The following KIAA0319 variants were observed in gnomAD, a reference collection of about 807,000 sequenced individuals.
KIAA0319 encodes the protein dyslexia-associated protein KIAA0319.
A neutral mutation model predicts 108.4 loss-of-function variants in KIAA0319; 83 were observed. The observed-to-expected ratio is 0.77, with a 90% CI of 0.64 to 0.92. The LOEUF is 0.92. KIAA0319 is among the 40% of genes least tolerant of loss of function. KIAA0319 has a pLI of 0.00. For synonymous variants in KIAA0319, 484 were observed against 510.4 expected (o/e 0.95, Z 0.70); for missense variants, 1,195 against 1,322.4 (o/e 0.90, Z 1.49).
chr6:24,617,942 G>A (rs1421588273), intron 1 of KIAA0319, among the ~76,000 whole-genome samples: 1 of 152,086 alleles, frequency 6.6e-6, no homozygotes, highest in African/African-American at 2.4e-5. Context: ...AGCCGAGATT[G>A]CGCCATTGCA....
chr6:24,598,078 C>A, intron 2 of KIAA0319: 1 of 408,820 alleles, frequency 2.4e-6, no homozygotes, highest in South Asian at 2.3e-5. Flanking sequence ...CTTCAGCAGC[C>A]ACTCCTACAC....
chr6:24,560,277 CA>C (rs1467369907), intron 16 of KIAA0319, among the ~76,000 whole-genome samples: 1 of 152,144 alleles, frequency 6.6e-6, no homozygotes, highest in East Asian at 1.9e-4. Flanking sequence ...GAGGAACTGC[CA>C]AACTGTATTC....
At chr6:24,559,288 G>T (rs1443132920) in intron 16 of KIAA0319, 133 bp from the exon 17 acceptor site, 2 of 890,496 alleles carry the variant, frequency 2.2e-6, no homozygotes, top group African/African-American at 1.7e-5. Flanking sequence ...AAGGACAGGG[G>T]CGTATCTGTG....
rs781623420 is a variant in KIAA0319, at chr6:24,630,681, G to GTATATATA, written c.-106+15054_-106+15055insTATATATA. On this transcript the variant is annotated intron_variant, in intron 1 of 20. Coordinates refer to ENST00000378214, the MANE Select transcript of KIAA0319 (RefSeq NM_014809.4). ...TCCATTTATTCAATTGTGTGTATATGTGTATATATATATATATATATACAC... is the reference window on the plus strand; with the variant it reads ...TCCATTTATTCAATTGTGTGTATATGTATATATATGTATATATATATATATATATACAC... Among the ~76,000 whole-genome samples, 6 of 51,992 alleles carry GTATATATA rather than the reference G, an allele frequency of 1.2e-4. No individual in the cohort carries two copies. In the South Asian group the frequency reaches 1.2e-3, roughly 10 times the overall value. The allele number at this position is 51,992 out of a possible 152,430, so 34.1% of individuals were successfully genotyped here. A position where few individuals can be genotyped will look rare whatever the true frequency, so the allele number is the denominator to read the frequency against.
chr6:24,642,231 GAGAA>G (rs1367249314), intron 1 of KIAA0319, among the ~76,000 whole-genome samples: 46 of 136,936 alleles, frequency 3.4e-4, no homozygotes, highest in Non-Finnish European at 6.1e-4. Flanking sequence ...AGGAAAGAAA[GAGAA>G]AGAAAAAAAG....
At chr6:24,607,225 A>G (rs1771544036) in intron 1 of KIAA0319, among the ~76,000 whole-genome samples, 1 of 152,158 alleles carries the variant, frequency 6.6e-6, no homozygotes, top group Non-Finnish European at 1.5e-5. Flanking sequence ...GCATGGTGGC[A>G]CATGCCTGTA....
intron 6 of KIAA0319, among the ~76,000 whole-genome samples, chr6:24,581,960 A>G (rs764710031): frequency 3.3e-5 from 5 of 152,204 alleles, no homozygotes; most frequent in Non-Finnish European, 5.9e-5. Context: ...CCTGGCCAAC[A>G]TGGCGAAACC....
chr6:24,624,026 T>TTC (rs1774356474), intron 1 of KIAA0319, among the ~76,000 whole-genome samples: 4 of 139,614 alleles, frequency 2.9e-5, no homozygotes, highest in African/African-American at 1.1e-4. Flanking sequence ...TCTTTTTTTT[T>TTC]TTTTTTTTTT....
At chr6:24,542,971 T>C (rs1050250411), downstream of KIAA0319, among the ~76,000 whole-genome samples, 2 of 152,256 alleles carry the variant, frequency 1.3e-5, no homozygotes, top group Admixed American at 1.3e-4. Context: ...CATTTACATA[T>C]GGACCTGATT....
chr6:24,553,501 C>T (rs1038405421), intron 19 of KIAA0319, among the ~76,000 whole-genome samples: 1 of 151,798 alleles, frequency 6.6e-6, no homozygotes, highest in Non-Finnish European at 1.5e-5. Context: ...GCTTTTTATT[C>T]TCCCCAAAGC....
Position 24,569,971 on chromosome 6 carries a change from A to G in KIAA0319, c.1923T>C (p.Ser641=), listed in dbSNP as rs754106415. 6.2e-7 allele frequency: 1 copy of G among 1,614,140 alleles called. No homozygotes were observed. The highest frequency in any genetic ancestry group is 8.5e-7 in the Non-Finnish European group (1 of 1,179,964). Reference sequence around the variant, plus strand: ...TGCTGCTGCTCCCATCCAGGGTAGCACTTTCCACTGGGAAGATCAGCTCTT... The same window carrying G: ...TGCTGCTGCTCCCATCCAGGGTAGCGCTTTCCACTGGGAAGATCAGCTCTT... ...PDKELIFPVE[S]ATLDGSSSSD... is the part of the protein sequence containing the mutation. The change falls in exon 12 of 21, where the codon AGT becomes AGC. Residue 641 remains serine, a synonymous_variant. Coordinates refer to ENST00000378214, the MANE Select transcript of KIAA0319 (RefSeq NM_014809.4).
chr6:24,628,528 C>CTTT (rs533135689), intron 1 of KIAA0319, among the ~76,000 whole-genome samples: 11 of 149,950 alleles, frequency 7.3e-5, no homozygotes, highest in East Asian at 5.8e-4. Context: ...TTCTTTCTTT[C>CTTT]TTTTTTTTTT....
intron 19 of KIAA0319, among the ~76,000 whole-genome samples, chr6:24,551,750 C>T (rs77922617): frequency 2.0e-3 from 299 of 152,274 alleles, no homozygotes; most frequent in African/African-American, 7.1e-3. Flanking sequence ...CACTCTTGCC[C>T]ACCTATCTAC....
chr6:24,597,812 G>A (rs1440639560), intron 2 of KIAA0319, among the ~76,000 whole-genome samples: 1 of 149,150 alleles, frequency 6.7e-6, no homozygotes, highest in Non-Finnish European at 1.5e-5. Flanking sequence ...CAGCACTTTG[G>A]GAGGCCAACA....
chr6:24,575,876 G>T (rs949627332), intron 10 of KIAA0319, among the ~76,000 whole-genome samples: 12 of 151,728 alleles, frequency 7.9e-5, no homozygotes, highest in African/African-American at 2.9e-4. Context: ...CACAACAGAA[G>T]TTTCAAGATT....
At chr6:24,559,721 T>A (rs1446385184) in intron 16 of KIAA0319, among the ~76,000 whole-genome samples, 1 of 152,196 alleles carries the variant, frequency 6.6e-6, no homozygotes, top group Non-Finnish European at 1.5e-5. Context: ...GATTGAGATA[T>A]AACTTACATA....
chr6:24,642,186 AAGAG>A (rs10684483), intron 1 of KIAA0319, among the ~76,000 whole-genome samples: 1 of 137,732 alleles, frequency 7.3e-6, no homozygotes, highest in Non-Finnish European at 1.5e-5. Flanking sequence ...GAAAGAAAGA[AAGAG>A]AGAAAGAAAG....
chr6:24,598,331 A>G (rs1770065302), intron 2 of KIAA0319: 6 of 674,296 alleles, frequency 8.9e-6, no homozygotes, highest in Non-Finnish European at 1.4e-5. Context: ...ACCATCAACA[A>G]CAAGTTTACC....
chr6:24,583,989 A>G (rs998629819), intron 4 of KIAA0319, among the ~76,000 whole-genome samples: 1 of 152,200 alleles, frequency 6.6e-6, no homozygotes, highest in African/African-American at 2.4e-5. Flanking sequence ...TGCGTGAAAC[A>G]GGTTTCATGC....
Sources: gnomAD v4.1 joint callset for allele counts (sites outside exome capture counted in the v4.1 genomes callset) on GRCh38, gnomAD v4.1.1 for gene constraint, MANE v1.5 for transcripts, NCBI Gene and HGNC (gene_info 2026-07-23, HGNC 2026-07-21) for gene names.